Variants in KCNK10 observed in about 807,000 individuals in gnomAD.
The protein encoded by KCNK10 is potassium channel subfamily K member 10.
Under a neutral mutation model 47.7 loss-of-function variants are expected in KCNK10, and 25 were observed. The observed-to-expected ratio is 0.52, with a 90% CI of 0.38 to 0.73. The LOEUF (loss-of-function observed/expected upper bound fraction) is 0.73, where lower values mean the gene tolerates loss of function less well. Among genes scored for constraint, KCNK10 ranks in the 30% least tolerant of loss-of-function variants. The probability of loss-of-function intolerance (pLI) is 0.00; values close to 1 mark genes in which losing one functional copy is unlikely to be tolerated. For synonymous variants in KCNK10, 303 were observed against 285.6 expected (o/e 1.06, Z -0.61); for missense variants, 563 against 714.5 (o/e 0.79, Z 2.42).
chr14:88,239,270 C>T (rs974162806), intron 3 of KCNK10, among the ~76,000 whole-genome samples: 10 of 150,958 alleles, frequency 6.6e-5, no homozygotes, highest in Admixed American at 2.6e-4. Context: ...TGAGATACAA[C>T]TTATATAGAA....
intron 4 of KCNK10, among the ~76,000 whole-genome samples, chr14:88,208,516 C>A (rs140322275): frequency 5.7e-4 from 87 of 152,284 alleles, no homozygotes; most frequent in Non-Finnish European, 9.6e-4. Context: ...AAGAAGCATA[C>A]AGCAATGTCA....
chr14:88,276,967 G>A (rs72691990), intron 1 of KCNK10, among the ~76,000 whole-genome samples: 3 of 152,212 alleles, frequency 2.0e-5, no homozygotes, highest in Non-Finnish European at 4.4e-5. Context: ...ATTTTCCATC[G>A]AAAGCATTTA....
At chr14:88,303,473 A>T (rs1224171660) in intron 1 of KCNK10, among the ~76,000 whole-genome samples, 1 of 152,082 alleles carries the variant, frequency 6.6e-6, no homozygotes, top group Non-Finnish European at 1.5e-5. Context: ...CACCCTTTCC[A>T]GCAATTTTGC....
rs1286352916 is a variant in KCNK10 at position 88,183,642 on chromosome 14, T to G, written c.*1893A>C. 2 of 151,794 alleles carry G rather than the reference T, an allele frequency of 1.3e-5. No individual in the cohort carries two copies. Among genetic ancestry groups the G allele is most frequent in the African/African-American group, 4.9e-5 (2 of 41,226 alleles). The allele number at this position is 151,794 out of a possible 1,614,324, so 9.4% of individuals were successfully genotyped here. Reference sequence around the variant, plus strand: ...CCTCATCTCCAGTCCAATGGAGGAGTTGACTTAGACCTTCCTTGGACAGGA... The same window carrying G: ...CCTCATCTCCAGTCCAATGGAGGAGGTGACTTAGACCTTCCTTGGACAGGA... On this transcript the variant is annotated 3_prime_UTR_variant, in exon 7 of 7. Transcript: ENST00000319231.
At chr14:88,209,288 C>A (rs1885380331) in intron 4 of KCNK10, among the ~76,000 whole-genome samples, 1 of 152,200 alleles carries the variant, frequency 6.6e-6, no homozygotes, top group South Asian at 2.1e-4. Context: ...AGCTGAGAGG[C>A]AGTCAGCATG....
chr14:88,235,018 T>C (rs1886260383), intron 3 of KCNK10: 1 of 445,384 alleles, frequency 2.2e-6, no homozygotes, highest in South Asian at 1.6e-5. Flanking sequence ...AAAAGAGATG[T>C]CCCTGTTTTT....
chr14:88,284,319 A>G (rs546724230), intron 1 of KCNK10, among the ~76,000 whole-genome samples: 1 of 152,294 alleles, frequency 6.6e-6, no homozygotes, highest in African/African-American at 2.4e-5. Flanking sequence ...GCCAGCCTCC[A>G]TGACTGCATT....
At chr14:88,250,680 C>T (rs1034577241) in intron 2 of KCNK10, among the ~76,000 whole-genome samples, 9 of 152,132 alleles carry the variant, frequency 5.9e-5, no homozygotes, top group East Asian at 1.9e-4. Flanking sequence ...AAAGCTTCGA[C>T]GGCTATAGAT....
intron 1 of KCNK10, among the ~76,000 whole-genome samples, chr14:88,307,468 G>T (rs561063317): frequency 2.5e-4 from 38 of 152,274 alleles, no homozygotes; most frequent in African/African-American, 8.7e-4. Context: ...ATAAAATGGG[G>T]AGTGACTGCT....
intron 3 of KCNK10, among the ~76,000 whole-genome samples, chr14:88,233,789 A>G (rs575200504): frequency 5.6e-4 from 85 of 152,366 alleles, no homozygotes; most frequent in Middle Eastern, 3.4e-3. Flanking sequence ...AGCTAACACA[A>G]TAAATACCAT....
intron 1 of KCNK10, among the ~76,000 whole-genome samples, chr14:88,283,931 C>A (rs1297568652): frequency 1.3e-5 from 2 of 152,022 alleles, no homozygotes; most frequent in African/African-American, 4.8e-5. Flanking sequence ...GTCTGAACAC[C>A]TTTTGGTGTT....
intron 4 of KCNK10, among the ~76,000 whole-genome samples, chr14:88,193,565 T>A (rs1236109883): frequency 6.6e-6 from 1 of 152,194 alleles, no homozygotes; most frequent in Non-Finnish European, 1.5e-5. Flanking sequence ...CTACATTGCC[T>A]AGATGAATTT....
intron 1 of KCNK10, among the ~76,000 whole-genome samples, chr14:88,304,718 C>A (rs1311418709): frequency 6.6e-6 from 1 of 152,158 alleles, no homozygotes; most frequent in African/African-American, 2.4e-5. Flanking sequence ...GAAGTGCTAT[C>A]CAGTGTTCCT....
chr14:88,326,180 C>G (rs978249784), upstream of KCNK10, among the ~76,000 whole-genome samples: 2 of 111,346 alleles, frequency 1.8e-5, no homozygotes, highest in East Asian at 4.4e-4. Flanking sequence ...GCAAGTTACC[C>G]GCCCCCCCCC....
intron 1 of KCNK10, among the ~76,000 whole-genome samples, chr14:88,306,660 T>C (rs1331218915): frequency 6.7e-6 from 1 of 149,902 alleles, no homozygotes; most frequent in African/African-American, 2.5e-5. Flanking sequence ...CCATCTCATG[T>C]CTCCAGAAAA....
chr14:88,188,253 G>A (rs779944141), intron 5 of KCNK10, 144 bp from the exon 6 acceptor site: 2 of 991,654 alleles, frequency 2.0e-6, no homozygotes, highest in South Asian at 3.2e-5. Flanking sequence ...GGTGGACCGG[G>A]GTTAGAGGGC....
intron 1 of KCNK10, among the ~76,000 whole-genome samples, chr14:88,305,421 A>C (rs567678103): frequency 6.6e-6 from 1 of 152,252 alleles, no homozygotes; most frequent in African/African-American, 2.4e-5. Flanking sequence ...GTTTGATGAG[A>C]CTGGAACATG....
intron 2 of KCNK10, among the ~76,000 whole-genome samples, chr14:88,262,418 C>T (rs1887136224): frequency 6.6e-6 from 1 of 152,148 alleles, no homozygotes; most frequent in Non-Finnish European, 1.5e-5. Context: ...TCAGACTTCA[C>T]AACCCTCCTG....
At chr14:88,194,301 G>A (rs569020881) in intron 4 of KCNK10, among the ~76,000 whole-genome samples, 32 of 152,292 alleles carry the variant, frequency 2.1e-4, no homozygotes, top group African/African-American at 7.0e-4. Flanking sequence ...TGTGAAGGCA[G>A]GTAAGCCCCT....
Sources: gnomAD v4.1 joint callset for allele counts (sites outside exome capture counted in the v4.1 genomes callset) on GRCh38, gnomAD v4.1.1 for gene constraint, MANE v1.5 for transcripts, NCBI Gene and HGNC (gene_info 2026-07-23, HGNC 2026-07-21) for gene names.